Variants in TG observed in about 807,000 individuals in gnomAD.
The protein encoded by TG is thyroid hormones.
A neutral mutation model predicts 324.7 loss-of-function variants in TG; 270 were observed. That is an observed-to-expected ratio of 0.83 (90% CI 0.75 to 0.92). The LOEUF is 0.92. TG is among the 40% of genes least tolerant of loss of function. The probability of loss-of-function intolerance (pLI) is 0.00; values close to 1 mark genes in which losing one functional copy is unlikely to be tolerated. For missense variants in TG, 3,591 were observed against 3,456.4 expected, an observed-to-expected ratio of 1.04 and a Z score of -0.98; for synonymous variants, 1,401 against 1,327.0, an observed-to-expected ratio of 1.06 and a Z score of -1.21.
chr8:132,998,804 A>C (rs1053124485), intron 35 of TG, among the ~76,000 whole-genome samples: 14 of 152,152 alleles, frequency 9.2e-5, no homozygotes, highest in Non-Finnish European at 1.9e-4. Context: ...GTGATCATGG[A>C]GGCAGTTGGC....
At chr8:133,126,746 G>A (rs774697494) in intron 45 of TG, among the ~76,000 whole-genome samples, 2 of 151,868 alleles carry the variant, frequency 1.3e-5, no homozygotes, top group Admixed American at 6.6e-5. Flanking sequence ...AGAGAGGCAC[G>A]CTTATAAGCT....
intron 41 of TG, among the ~76,000 whole-genome samples, chr8:133,081,122 C>G (rs987225369): frequency 2.0e-5 from 3 of 152,234 alleles, no homozygotes; most frequent in African/African-American, 7.2e-5. Context: ...GTGTACAGCC[C>G]ACCTGGTCTC....
chr8:132,871,690 G>T (rs1194021781), intron 4 of TG, 139 bp downstream of exon 4: 7 of 782,656 alleles, frequency 8.9e-6, no homozygotes, highest in Non-Finnish European at 1.2e-5. Flanking sequence ...AAGCTTCAAA[G>T]GGAAGGTTTT....
At position 133,107,458 on chromosome 8, in the gene TG, C is replaced by T. The variant is rs73354682; in HGVS notation, c.7573-5964C>T. The stretch of plus-strand genomic sequence containing the variant: ...CAAATCTACTGTCTAAGGCAGACCC[C>T]GCCTGTAATTACAGCTTGTGGAAGT... On this transcript the variant is annotated intron_variant, in intron 43 of 47. Coordinates refer to ENST00000220616, the MANE Select transcript of TG (RefSeq NM_003235.5). Among the ~76,000 whole-genome samples the T allele has an allele frequency of 5.5e-3, 842 of 152,292 alleles. 10 individuals are homozygous for T. The highest frequency in any genetic ancestry group is 0.019 in the African/African-American group (790 of 41,564).
chr8:133,022,750 C>T (rs1484015741), intron 40 of TG, among the ~76,000 whole-genome samples: 1 of 152,190 alleles, frequency 6.6e-6, no homozygotes, highest in Non-Finnish European at 1.5e-5. Context: ...TAAACATCCT[C>T]CATCCACGTC....
chr8:132,926,519 T>A (rs1821889859), intron 22 of TG, among the ~76,000 whole-genome samples: 1 of 152,232 alleles, frequency 6.6e-6, no homozygotes, highest in African/African-American at 2.4e-5. Flanking sequence ...ATCTTATTTC[T>A]TATTCTATTC....
chr8:133,032,397 C>T (rs777247836), intron 41 of TG, among the ~76,000 whole-genome samples: 3 of 152,196 alleles, frequency 2.0e-5, no homozygotes, highest in Non-Finnish European at 2.9e-5. Context: ...AAACCAGACA[C>T]TCATTAGGAC....
intron 30 of TG, 130 bp downstream of exon 30, chr8:132,966,827 A>G: frequency 8.9e-7 from 1 of 1,120,406 alleles, no homozygotes; most frequent in Middle Eastern, 2.3e-4. Context: ...ACTGTGGATG[A>G]TATAAAAGAA....
chr8:132,976,332 G>C (rs1418902119), intron 34 of TG, among the ~76,000 whole-genome samples: 1 of 152,174 alleles, frequency 6.6e-6, no homozygotes, highest in African/African-American at 2.4e-5. Context: ...GAAGAGCAAA[G>C]AAAAGAAAGG....
chr8:133,108,230 CCTG>C (rs1311011202), intron 43 of TG, among the ~76,000 whole-genome samples: 3 of 152,020 alleles, frequency 2.0e-5, no homozygotes, highest in East Asian at 3.9e-4. Flanking sequence ...TTGTGATCTG[CCTG>C]CCTCAGCCTC....
chr8:132,905,992 G>A (rs531183799), intron 16 of TG, among the ~76,000 whole-genome samples: 11 of 152,274 alleles, frequency 7.2e-5, no homozygotes, highest in African/African-American at 2.6e-4. Flanking sequence ...AGGAAGGCAG[G>A]CTCAGCCTGC....
At chr8:132,989,650 GA>G (rs531392597) in intron 35 of TG, among the ~76,000 whole-genome samples, 3 of 152,202 alleles carry the variant, frequency 2.0e-5, no homozygotes, top group Non-Finnish European at 4.4e-5. Context: ...ACCACACAAT[GA>G]AAAGGAATCA....
At chr8:133,033,408 GCA>G (rs1836810228) in intron 41 of TG, among the ~76,000 whole-genome samples, 1 of 152,152 alleles carries the variant, frequency 6.6e-6, no homozygotes, top group Non-Finnish European at 1.5e-5. Flanking sequence ...CTGTGTCCCT[GCA>G]CAGTCTTCAG....
At chr8:133,010,577 G>A (rs748730277) in intron 35 of TG, among the ~76,000 whole-genome samples, 10 of 152,192 alleles carry the variant, frequency 6.6e-5, no homozygotes, top group Admixed American at 1.3e-4. Flanking sequence ...TCTGGAATCA[G>A]CTCTCCCGAA....
chr8:132,992,731 A>T (rs956103709), intron 35 of TG, among the ~76,000 whole-genome samples: 5 of 152,080 alleles, frequency 3.3e-5, no homozygotes, highest in African/African-American at 1.2e-4. Flanking sequence ...CCACACCTCT[A>T]TAGGGTTTGT....
At chr8:132,892,902 TGTGTGTGTGGTGTG>T (rs1326048883) in intron 10 of TG, among the ~76,000 whole-genome samples, 2 of 145,872 alleles carry the variant, frequency 1.4e-5, no homozygotes, top group African/African-American at 2.6e-5. Context: ...CCTGTGTGCA[TGTGTGTGTGGTGTG>T]GTGTGTGTGT....
intron 43 of TG, among the ~76,000 whole-genome samples, chr8:133,108,754 C>T (rs977180299): frequency 6.6e-6 from 1 of 152,198 alleles, no homozygotes; most frequent in African/African-American, 2.4e-5. Context: ...CTATGACATG[C>T]CTGTCACCAT....
intron 34 of TG, among the ~76,000 whole-genome samples, chr8:132,981,050 G>A (rs376558407): frequency 1.3e-5 from 2 of 152,294 alleles, no homozygotes; most frequent in East Asian, 1.9e-4. Context: ...TACGTAAATT[G>A]CTACCTACAT....
intron 41 of TG, chr8:133,049,388 A>G: frequency 3.4e-6 from 1 of 290,098 alleles, no homozygotes; most frequent in Non-Finnish European, 7.0e-6. Context: ...TGCTCCAAGA[A>G]CTACACATGT....
Sources: allele counts gnomAD v4.1 joint callset (sites outside exome capture counted in the v4.1 genomes callset), GRCh38; gene constraint gnomAD v4.1.1; transcripts MANE v1.5; gene names NCBI Gene and HGNC (gene_info 2026-07-23, HGNC 2026-07-21).